The following ARHGAP15 variants were observed in gnomAD, a reference collection of about 807,000 sequenced individuals.
The protein encoded by ARHGAP15 is rho GTPase-activating protein 15.
Under a neutral mutation model 63.7 loss-of-function variants are expected in ARHGAP15, and 51 were observed. The observed-to-expected ratio is 0.80, with a 90% confidence interval of 0.64 to 1.01. ARHGAP15 has a LOEUF of 1.01. ARHGAP15 is among the 50% of genes least tolerant of loss of function. ARHGAP15 has a pLI of 0.00. For synonymous variants in ARHGAP15, 191 were observed against 193.8 expected (o/e 0.99, Z 0.12); for missense variants, 560 against 564.6 (o/e 0.99, Z 0.08).
intron 8 of ARHGAP15, among the ~76,000 whole-genome samples, chr2:143,480,323 T>G (rs1692019747): frequency 6.6e-6 from 1 of 152,214 alleles, no homozygotes; most frequent in Non-Finnish European, 1.5e-5. Context: ...AAAATGTGGT[T>G]AGATTTAACT....
At chr2:143,646,368 C>T (rs186052328) in intron 12 of ARHGAP15, among the ~76,000 whole-genome samples, 78 of 152,142 alleles carry the variant, frequency 5.1e-4, no homozygotes, top group African/African-American at 1.6e-3. Context: ...TTCCTAGAAG[C>T]CACTTATTAG....
At chr2:143,280,598 T>C (rs889901466) in intron 6 of ARHGAP15, among the ~76,000 whole-genome samples, 1 of 152,132 alleles carries the variant, frequency 6.6e-6, no homozygotes, top group Non-Finnish European at 1.5e-5. Context: ...GAAATGGTTT[T>C]TCCCCGTATG....
intron 12 of ARHGAP15, among the ~76,000 whole-genome samples, chr2:143,666,913 G>A (rs1682229466): frequency 6.9e-6 from 1 of 144,738 alleles, no homozygotes; most frequent in Non-Finnish European, 1.5e-5. Context: ...TAAAAAGTCA[G>A]GAAACAACAG....
intron 2 of ARHGAP15, among the ~76,000 whole-genome samples, chr2:143,197,229 G>A (rs1248011096): frequency 6.6e-6 from 1 of 151,838 alleles, no homozygotes; most frequent in Non-Finnish European, 1.5e-5. Context: ...CTTACTATTA[G>A]AAATTACTGA....
chr2:143,734,858 T>C (rs577778961), intron 13 of ARHGAP15, among the ~76,000 whole-genome samples: 31 of 152,176 alleles, frequency 2.0e-4, no homozygotes, highest in Non-Finnish European at 3.1e-4. Flanking sequence ...CTTGAAGAAG[T>C]CTTGAATTAA....
chr2:143,595,739 A>T lies in ARHGAP15; in HGVS notation c.1004-28394A>T, dbSNP rs183323670. Among the ~76,000 whole-genome samples, 313 of 152,244 alleles carry T rather than the reference A, an allele frequency of 2.1e-3. 3 individuals are homozygous for T. The highest frequency in any genetic ancestry group is 7.3e-3 in the African/African-American group (302 of 41,554). ...CTTGCCCACTCATCCTTTCTTGAGGATACCGTCTCCTAAGTCCTCTGAGAT... is the reference window on the plus strand; with the variant it reads ...CTTGCCCACTCATCCTTTCTTGAGGTTACCGTCTCCTAAGTCCTCTGAGAT... On this transcript the variant is annotated intron_variant, in intron 11 of 13. Coordinates refer to ENST00000295095, the MANE Select transcript of ARHGAP15 (RefSeq NM_018460.4).
At chr2:143,425,789 T>C (rs1004702851) in intron 6 of ARHGAP15, among the ~76,000 whole-genome samples, 17 of 152,126 alleles carry the variant, frequency 1.1e-4, no homozygotes, top group African/African-American at 4.1e-4. Flanking sequence ...ATCATGCTCT[T>C]TCATGGAGAG....
chr2:143,587,519 C>T (rs777400502), intron 11 of ARHGAP15, among the ~76,000 whole-genome samples: 3 of 152,068 alleles, frequency 2.0e-5, no homozygotes, highest in South Asian at 2.1e-4. Context: ...CACTGTGTTT[C>T]GGTCTTACTT....
Position 143,285,065 on chromosome 2 carries a change from A to C in ARHGAP15, c.474+34465A>C, listed in dbSNP as rs572379066. The stretch of plus-strand genomic sequence containing the variant: ...AGTCAAAGACATATATTGATGACAT[A>C]AAGCAATCTTTGTGACAAGATCGCT... On this transcript the variant is annotated intron_variant, in intron 6 of 13. Coordinates refer to ENST00000295095, the MANE Select transcript of ARHGAP15 (RefSeq NM_018460.4). 5.3e-5 allele frequency among the ~76,000 whole-genome samples: 8 copies of C among 152,352 alleles called. No homozygotes were observed. The South Asian group carries it at 1.7e-3, about 32-fold the overall frequency.
intron 3 of ARHGAP15, among the ~76,000 whole-genome samples, chr2:143,214,302 G>C (rs187027968): frequency 6.6e-6 from 1 of 151,948 alleles, no homozygotes; most frequent in Admixed American, 6.6e-5. Context: ...TTTTTTCTAC[G>C]GTTACACAAC....
At chr2:143,401,989 G>A (rs541745756) in intron 6 of ARHGAP15, among the ~76,000 whole-genome samples, 2 of 151,782 alleles carry the variant, frequency 1.3e-5, no homozygotes, top group South Asian at 4.1e-4. Context: ...TAGGTCTGAC[G>A]TTGTATCCCA....
At chr2:143,482,938 G>A (rs1372944746) in intron 8 of ARHGAP15, among the ~76,000 whole-genome samples, 1 of 152,194 alleles carries the variant, frequency 6.6e-6, no homozygotes. Flanking sequence ...CTTGTCATCT[G>A]AGGACAATTA....
chr2:143,186,266 C>A (rs1168506617), intron 2 of ARHGAP15, among the ~76,000 whole-genome samples: 2 of 152,054 alleles, frequency 1.3e-5, no homozygotes, highest in Non-Finnish European at 2.9e-5. Flanking sequence ...TTATGAAGAG[C>A]AAAAATGTTT....
intron 8 of ARHGAP15, among the ~76,000 whole-genome samples, chr2:143,454,935 T>C (rs909765106): frequency 1.3e-5 from 2 of 152,036 alleles, no homozygotes; most frequent in Admixed American, 1.3e-4. Context: ...TTTTAAGCAC[T>C]GGAGTTAAAG....
chr2:143,372,344 C>A, intron 6 of ARHGAP15, among the ~76,000 whole-genome samples: 2 of 90,202 alleles, frequency 2.2e-5, no homozygotes, highest in African/African-American at 4.9e-5. Context: ...ATGGAGTAGT[C>A]GATTTAAAAA....
At chr2:143,404,926 A>G (rs1157803147) in intron 6 of ARHGAP15, among the ~76,000 whole-genome samples, 1 of 152,014 alleles carries the variant, frequency 6.6e-6, no homozygotes, top group Non-Finnish European at 1.5e-5. Context: ...GACAGATGAT[A>G]TTGGCATACG....
chr2:143,549,851 C>T (rs2105070564), intron 10 of ARHGAP15, among the ~76,000 whole-genome samples: 1 of 152,272 alleles, frequency 6.6e-6, no homozygotes, highest in South Asian at 2.1e-4. Context: ...GTCTACTCAC[C>T]ACCCATTTAT....
At chr2:143,380,936 G>A (rs748480971) in intron 6 of ARHGAP15, among the ~76,000 whole-genome samples, 7 of 152,086 alleles carry the variant, frequency 4.6e-5, no homozygotes, top group African/African-American at 1.2e-4. Flanking sequence ...TAGCATCCCC[G>A]GGCAATGTGA....
intron 1 of ARHGAP15, among the ~76,000 whole-genome samples, chr2:143,149,692 T>G (rs1689736780): frequency 6.6e-6 from 1 of 152,028 alleles, no homozygotes. Context: ...TAATAAAATA[T>G]CCATAGTTTA....
Sources: allele counts gnomAD v4.1 joint callset (sites outside exome capture counted in the v4.1 genomes callset), GRCh38; gene constraint gnomAD v4.1.1; transcripts MANE v1.5; gene names NCBI Gene and HGNC (gene_info 2026-07-23, HGNC 2026-07-21).